Variants in PCYT1A observed in about 807,000 individuals in gnomAD.
The protein encoded by PCYT1A is phosphate cytidylyltransferase 1A, choline, also known as choline-phosphate cytidylyltransferase A.
PCYT1A carries 25 observed loss-of-function variants against 43.7 expected under a neutral mutation model. That is an observed-to-expected ratio of 0.57 (90% CI 0.42 to 0.80). The LOEUF (loss-of-function observed/expected upper bound fraction) is 0.80, where lower values mean the gene tolerates loss of function less well. PCYT1A is among the 30% of genes least tolerant of loss of function. The pLI, the probability that PCYT1A is intolerant of heterozygous loss-of-function variation, is 0.00. For missense variants in PCYT1A, 421 were observed against 474.2 expected (o/e 0.89, Z 1.04); for synonymous variants, 172 against 170.7 (o/e 1.01, Z -0.06).
At chr3:196,265,927 C>T (rs891846711) in intron 2 of PCYT1A, among the ~76,000 whole-genome samples, 13 of 151,176 alleles carry the variant, frequency 8.6e-5, no homozygotes, top group African/African-American at 2.9e-4. Flanking sequence ...TTAGTAGAGA[C>T]GAGGTTTCGT....
intron 1 of PCYT1A, among the ~76,000 whole-genome samples, chr3:196,285,262 C>G (rs1405600412): frequency 2.0e-5 from 3 of 152,072 alleles, no homozygotes; most frequent in African/African-American, 7.2e-5. Flanking sequence ...AGTTTGAGAC[C>G]AGCCTGGCCA....
At position 196,234,441 on chromosome 3, in the gene PCYT1A, A is replaced by C. The variant is rs1724109352; in HGVS notation, c.*4247T>G. The C allele has an allele frequency of 6.6e-6, 1 of 152,270 alleles. No individual in the cohort carries two copies. Among genetic ancestry groups the C allele is most frequent in the South Asian group, 2.1e-4 (1 of 4,834 alleles). 9.4% of individuals were successfully genotyped at this position (152,270 alleles called of 1,614,324 possible). ...ATAACTCAGAACAAACTAAGAACAG[A>C]CAGGAAAATTACAGACTGAACCCCA... is the stretch of plus-strand genomic sequence containing the variant. On this transcript the variant is annotated 3_prime_UTR_variant, in exon 9 of 9. Coordinates refer to ENST00000431016, the MANE Select transcript of PCYT1A (RefSeq NM_001312673.2).
At chr3:196,267,849 GAA>G (rs1577370561) in intron 2 of PCYT1A, among the ~76,000 whole-genome samples, 1 of 152,134 alleles carries the variant, frequency 6.6e-6, no homozygotes, top group East Asian at 1.9e-4. Flanking sequence ...GTTAAAAAAA[GAA>G]AAAAGTCTTG....
In PCYT1A at chr3:196,234,749, A is replaced by AATCT. The variant is rs1232089852; in HGVS notation, c.*3935_*3938dup. On this transcript the variant is annotated 3_prime_UTR_variant, in exon 9 of 9. Coordinates refer to ENST00000431016, the MANE Select transcript of PCYT1A (RefSeq NM_001312673.2). ...CTAACATAAAATCTTGGCAGACAAC[A>AATCT]ATCTTTCTTCTTCAAGAAAATTAAC... The AATCT allele has an allele frequency of 6.6e-6, 1 of 152,224 alleles. No individual in the cohort carries two copies. The highest frequency in any genetic ancestry group is 1.5e-5 in the Non-Finnish European group (1 of 68,042). 9.4% of individuals were successfully genotyped at this position (152,224 alleles called of 1,614,324 possible). A position where few individuals can be genotyped will look rare whatever the true frequency, so the allele number is the denominator to read the frequency against.
rs1724250524 is a variant in PCYT1A at position 196,238,669 on chromosome 3, G to C, written c.*19C>G. 2.0e-6 allele frequency: 3 copies of C among 1,464,362 alleles called. No individual in the cohort carries two copies. The highest frequency in any genetic ancestry group is 1.4e-5 in the African/African-American group (1 of 69,220). The allele number at this position is 1,464,362 out of a possible 1,614,324, so 90.7% of individuals were successfully genotyped here. Reference sequence around the variant, plus strand: ...GGTAATGGGACAGAAAGGGAGGACAGGAAAGGAGGGAGGAAACATTAGTCT... The same window carrying C: ...GGTAATGGGACAGAAAGGGAGGACACGAAAGGAGGGAGGAAACATTAGTCT... On this transcript the variant is annotated 3_prime_UTR_variant, in exon 9 of 9. Coordinates refer to ENST00000431016, the MANE Select transcript of PCYT1A (RefSeq NM_001312673.2).
chr3:196,268,750 G>A lies in PCYT1A; in HGVS notation c.117+1665C>T, dbSNP rs1033753617. Among the ~76,000 whole-genome samples the A allele has an allele frequency of 2.0e-5, 3 of 152,080 alleles. No individual in the cohort carries two copies. Among genetic ancestry groups the A allele is most frequent in the Admixed American group, 6.5e-5 (1 of 15,270 alleles). ...GCAGACGTTGCAGTGAACCGGGACC[G>A]CACCACTGCACTCCAGCCTGGGTGA... On this transcript the variant is annotated intron_variant, in intron 2 of 8. Transcript: ENST00000431016. This position sits in a 1 kb window ranked among gnomAD's most constrained non-coding sequence, Gnocchi z 4.4.
chr3:196,280,570 G>GTTTTTTTTTTTTTTTT, intron 1 of PCYT1A, among the ~76,000 whole-genome samples: 160 of 91,318 alleles, frequency 1.8e-3, no homozygotes, highest in Non-Finnish European at 2.3e-3. Context: ...TATTTTTATT[G>GTTTTTTTTTTTTTTTT]TTTTTTTTTT....
rs1249254200 is a variant in PCYT1A, at chr3:196,252,134, C to G, written c.218-3811G>C. On this transcript the variant is annotated intron_variant, in intron 3 of 8. Transcript: ENST00000431016. This position sits in a 1 kb window ranked among gnomAD's most constrained non-coding sequence, Gnocchi z 4.0. ...AGCGCACCCCGCCACGCCCCACTGG[C>G]TACAGTGCACACCGCCACGCCCCAC... Among the ~76,000 whole-genome samples the G allele has an allele frequency of 3.3e-5, 5 of 151,554 alleles. No homozygotes were observed. The highest frequency in any genetic ancestry group is 9.7e-5 in the African/African-American group (4 of 41,340).
intron 3 of PCYT1A, among the ~76,000 whole-genome samples, chr3:196,248,954 G>A (rs998889320): frequency 1.0e-4 from 15 of 150,510 alleles, no homozygotes; most frequent in Admixed American, 1.0e-3. Context: ...TAGAGATGGG[G>A]TTTCACAGTG....
chr3:196,241,059 C>G (rs1330593070), intron 7 of PCYT1A, among the ~76,000 whole-genome samples: 2 of 145,448 alleles, frequency 1.4e-5, no homozygotes, highest in Non-Finnish European at 3.0e-5. Context: ...TTTGCGAGGC[C>G]AAGGGGGTCC....
At chr3:196,244,358 G>A (rs1421275113) in intron 5 of PCYT1A, among the ~76,000 whole-genome samples, 1 of 150,818 alleles carries the variant, frequency 6.6e-6, no homozygotes, top group Non-Finnish European at 1.5e-5. Flanking sequence ...TCTAGGAAGT[G>A]AGGAGCGTCT....
Position 196,273,689 on chromosome 3 carries a change from A to G in PCYT1A, c.-10-3148T>C, listed in dbSNP as rs570008694. ...TATCCGCAGGCAGGTCATCCCATCA[A>G]GTATGGCTGAGTCCAGGGTTTCTAC... On this transcript the variant is annotated intron_variant, in intron 1 of 8. Transcript: ENST00000431016. This position sits in a 1 kb window ranked among gnomAD's most constrained non-coding sequence, Gnocchi z 4.1. 3.2e-4 allele frequency among the ~76,000 whole-genome samples: 48 copies of G among 152,316 alleles called. 1 individual carries two copies. The South Asian group carries it at 7.7e-3, about 24-fold the overall frequency.
At chr3:196,286,316 G>C (rs905701993) in intron 1 of PCYT1A, among the ~76,000 whole-genome samples, 1 of 152,054 alleles carries the variant, frequency 6.6e-6, no homozygotes, top group Non-Finnish European at 1.5e-5. Flanking sequence ...TTACATTCAG[G>C]AAGCCTCCTC....
At chr3:196,284,655 C>G (rs1457561942) in intron 1 of PCYT1A, among the ~76,000 whole-genome samples, 3 of 152,154 alleles carry the variant, frequency 2.0e-5, no homozygotes, top group Non-Finnish European at 4.4e-5. Context: ...GAAAATAAAA[C>G]CCCACTGCTT....
chr3:196,252,040 G>A lies in PCYT1A; in HGVS notation c.218-3717C>T, dbSNP rs1724810553. The stretch of plus-strand genomic sequence containing the variant: ...TCCTCCCGCCTCAGCCTCCCGAGAA[G>A]CTGGGACTACAGCGCACACCACCAC... On this transcript the variant is annotated intron_variant, in intron 3 of 8. Transcript: ENST00000431016. This position sits in a 1 kb window ranked among gnomAD's most constrained non-coding sequence, Gnocchi z 4.0. Among the ~76,000 whole-genome samples the A allele has an allele frequency of 6.6e-6, 1 of 150,452 alleles. No homozygotes were observed.
intron 1 of PCYT1A, among the ~76,000 whole-genome samples, chr3:196,280,575 T>TTG (rs528059185): frequency 4.1e-5 from 6 of 147,034 alleles, no homozygotes; most frequent in Middle Eastern, 3.4e-3. Context: ...TTATTGTTTT[T>TTG]TTTTTTTTTT....
At position 196,242,463 on chromosome 3, in the gene PCYT1A, A is replaced by G. The variant is rs1724387984; in HGVS notation, c.565+99T>C. 1 of 850,782 alleles carries G rather than the reference A, an allele frequency of 1.2e-6. No homozygotes were observed. Among genetic ancestry groups the G allele is most frequent in the Non-Finnish European group, 2.1e-6 (1 of 485,668 alleles). 52.7% of individuals were successfully genotyped at this position (850,782 alleles called of 1,614,324 possible). On this transcript the variant is annotated intron_variant, in intron 6 of 8. Transcript: ENST00000431016. This position sits in a 1 kb window ranked among gnomAD's most constrained non-coding sequence, Gnocchi z 4.2. ...AATGTGGCCTGAAAGAGGATGTTGAATTTCTAATGTACACATTTTCCTCTG... is the reference window on the plus strand; with the variant it reads ...AATGTGGCCTGAAAGAGGATGTTGAGTTTCTAATGTACACATTTTCCTCTG...
intron 1 of PCYT1A, 86 bp downstream of exon 1, chr3:196,287,525 CACTT>C (rs1267795988): frequency 1.3e-5 from 2 of 152,858 alleles, no homozygotes; most frequent in South Asian, 2.1e-4. Flanking sequence ...CCCTCGCTGT[CACTT>C]ACCACTCTTC....
At chr3:196,248,120 CAA>C (rs1258936639) in intron 4 of PCYT1A, 85 bp downstream of exon 4, 4 of 779,690 alleles carry the variant, frequency 5.1e-6, no homozygotes, top group Non-Finnish European at 9.2e-6. Context: ...AAAATGGAAA[CAA>C]GAGCCAGTGT....
Sources: allele counts gnomAD v4.1 joint callset (sites outside exome capture counted in the v4.1 genomes callset), GRCh38; gene constraint gnomAD v4.1.1; non-coding constraint Gnocchi (gnomAD v3.1); transcripts MANE v1.5; gene names NCBI Gene and HGNC (gene_info 2026-07-23, HGNC 2026-07-21).